The following ATXN3 variants were observed in gnomAD, a reference collection of about 807,000 sequenced individuals.
ATXN3 encodes the protein ataxin 3, also known as ataxin-3.
Under a neutral mutation model 58.2 loss-of-function variants are expected in ATXN3, and 28 were observed. The ratio of observed to expected loss-of-function variants is 0.48; its 90% CI spans 0.36 to 0.66. ATXN3 has a LOEUF of 0.66. Among genes scored for constraint, ATXN3 ranks in the 30% least tolerant of loss-of-function variants. The pLI, the probability that ATXN3 is intolerant of heterozygous loss-of-function variation, is 0.00. For synonymous variants in ATXN3, 113 were observed against 138.5 expected (o/e 0.82, Z 1.29); for missense variants, 321 against 422.1 (o/e 0.76, Z 2.10).
At chr14:92,100,007 CA>C (rs1025552059) in intron 1 of ATXN3, among the ~76,000 whole-genome samples, 1 of 152,126 alleles carries the variant, frequency 6.6e-6, no homozygotes, top group African/African-American at 2.4e-5. Context: ...AAGCACTTCA[CA>C]AGACAGTCAA....
At chr14:92,099,370 CTGAGA>C (rs1309627298) in intron 1 of ATXN3, among the ~76,000 whole-genome samples, 1 of 152,208 alleles carries the variant, frequency 6.6e-6, no homozygotes, top group Non-Finnish European at 1.5e-5. Context: ...CAGCCTCAGT[CTGAGA>C]TAAGTTTATC....
chr14:92,068,498 G>T (rs1452854632), intron 10 of ATXN3, among the ~76,000 whole-genome samples: 1 of 152,104 alleles, frequency 6.6e-6, no homozygotes, highest in Non-Finnish European at 1.5e-5. Context: ...GAGGCAAAAA[G>T]AAAATCCAGT....
chr14:92,066,234 T>C (rs1043840454), intron 10 of ATXN3, among the ~76,000 whole-genome samples: 1 of 152,168 alleles, frequency 6.6e-6, no homozygotes, highest in Non-Finnish European at 1.5e-5. Flanking sequence ...AAAAGAAATA[T>C]AGAAAGGTTA....
At chr14:92,073,065 G>A (rs1429747637) in intron 9 of ATXN3, among the ~76,000 whole-genome samples, 25 of 152,206 alleles carry the variant, frequency 1.6e-4, no homozygotes, top group Admixed American at 1.5e-3. Flanking sequence ...CTGAGTTATG[G>A]AGAATTCCTG....
intron 9 of ATXN3, chr14:92,071,596 C>CA (rs1281289676): frequency 5.4e-5 from 14 of 261,384 alleles, no homozygotes; most frequent in Admixed American, 1.5e-4. Context: ...GACTCTGTCT[C>CA]AAAAAAACAA....
At chr14:92,050,083 T>C (rs551939629), upstream of ATXN3, among the ~76,000 whole-genome samples, 104 of 152,186 alleles carry the variant, frequency 6.8e-4, no homozygotes, top group African/African-American at 2.4e-3. Flanking sequence ...AATAATGTGA[T>C]AAATAATGTG....
At chr14:92,104,640 A>T (rs2141356300) in intron 1 of ATXN3, among the ~76,000 whole-genome samples, 1 of 151,996 alleles carries the variant, frequency 6.6e-6, no homozygotes, top group East Asian at 2.0e-4. Flanking sequence ...AATAACAAAA[A>T]TATGGCCGGG....
At chr14:92,076,792 T>C (rs2060469635) in intron 9 of ATXN3, among the ~76,000 whole-genome samples, 1 of 151,584 alleles carries the variant, frequency 6.6e-6, no homozygotes, top group Non-Finnish European at 1.5e-5. Context: ...ACACAAAAAT[T>C]AGCCAGGCAT....
At chr14:92,082,157 T>C (rs2061586571) in intron 8 of ATXN3, 143 bp downstream of exon 8, 1 of 849,062 alleles carries the variant, frequency 1.2e-6, no homozygotes, top group Non-Finnish European at 1.7e-6. Context: ...ATAAGAAATC[T>C]AAAGGGAAAG....
rs1331229829 is a variant in ATXN3, at chr14:92,058,552, T to C, written c.*5768A>G. 6.6e-6 allele frequency: 1 copy of C among 152,142 alleles called. No homozygotes were observed. Among genetic ancestry groups the C allele is most frequent in the Non-Finnish European group, 1.5e-5 (1 of 68,002 alleles). 9.4% of individuals were successfully genotyped at this position (152,142 alleles called of 1,614,324 possible). On this transcript the variant is annotated 3_prime_UTR_variant, in exon 11 of 11. Transcript: ENST00000644486. ...CAATAAACACAAATTCAAAAGGAAA[T>C]AGAAAAGCAAACATTATCTTTATTT... is the stretch of plus-strand genomic sequence containing the variant.
At chr14:92,093,687 A>T in intron 4 of ATXN3, 59 bp downstream of exon 4, 1 of 1,271,252 alleles carries the variant, frequency 7.9e-7, no homozygotes, top group Non-Finnish European at 1.1e-6. Context: ...TTAAGAAATT[A>T]CAACTTTAAA....
At chr14:92,074,054 T>C (rs545489675) in intron 9 of ATXN3, among the ~76,000 whole-genome samples, 1 of 140,770 alleles carries the variant, frequency 7.1e-6, no homozygotes, top group East Asian at 2.1e-4. Flanking sequence ...GGGCCAGGCA[T>C]GGTGGCTCAT....
chr14:92,073,258 A>G (rs1442457241), intron 9 of ATXN3, among the ~76,000 whole-genome samples: 1 of 152,256 alleles, frequency 6.6e-6, no homozygotes, highest in African/African-American at 2.4e-5. Flanking sequence ...TCCAGCTGTG[A>G]AGACACTGAG....
intron 1 of ATXN3, among the ~76,000 whole-genome samples, chr14:92,099,975 A>G (rs1314191410): frequency 6.6e-6 from 1 of 152,188 alleles, no homozygotes; most frequent in Non-Finnish European, 1.5e-5. Flanking sequence ...AAAGAAAGAA[A>G]AGAAAAATAG....
chr14:92,080,911 A>C lies in ATXN3; in HGVS notation c.872+54T>G, dbSNP rs756710776. 2.9e-6 allele frequency: 4 copies of C among 1,378,488 alleles called. No individual in the cohort carries two copies. In the South Asian group the frequency reaches 4.7e-5, roughly 16 times the overall value. 85.4% of individuals were successfully genotyped at this position (1,378,488 alleles called of 1,614,324 possible). A position where few individuals can be genotyped will look rare whatever the true frequency, so the allele number is the denominator to read the frequency against. On this transcript the variant is annotated intron_variant, in intron 9 of 10. Transcript: ENST00000644486. ...GCAGTAACCATTTACAAATAGACAA[A>C]ATAGCCAAAGCAAATATTAAACATG...
chr14:92,048,489 G>A (rs1202253167), intron 1 of ATXN3, among the ~76,000 whole-genome samples: 2 of 152,218 alleles, frequency 1.3e-5, no homozygotes, highest in Admixed American at 6.5e-5. Context: ...GGTCTAGGGC[G>A]GTAAAGTGTC....
chr14:92,081,465 C>CAAAAAAAAAAAAAAAAAAAAAGAAAA, intron 8 of ATXN3, among the ~76,000 whole-genome samples: 1 of 82,976 alleles, frequency 1.2e-5, no homozygotes, highest in Non-Finnish European at 2.5e-5. Flanking sequence ...GACTCTGACT[C>CAAAAAAAAAAAAAAAAAAAAAGAAAA]AAAAAAAAAA....
intron 9 of ATXN3, 43 bp downstream of exon 9, chr14:92,080,922 C>G (rs1423650136): frequency 2.1e-6 from 3 of 1,428,742 alleles, no homozygotes; most frequent in African/African-American, 1.4e-5. Flanking sequence ...ATAGCCAAAG[C>G]AAATATTAAA....
chr14:92,091,160 C>T (rs554715160), intron 5 of ATXN3, among the ~76,000 whole-genome samples: 46 of 152,042 alleles, frequency 3.0e-4, no homozygotes, highest in African/African-American at 9.6e-4. Flanking sequence ...TAAGAAAGAA[C>T]CAACTTAGGG....
Sources: allele counts gnomAD v4.1 joint callset (sites outside exome capture counted in the v4.1 genomes callset), GRCh38; gene constraint gnomAD v4.1.1; transcripts MANE v1.5; gene names NCBI Gene and HGNC (gene_info 2026-07-23, HGNC 2026-07-21).